RGS7: variants seen among roughly 807,000 people sequenced by gnomAD.
RGS7 encodes the protein regulator of G protein signaling 7, also known as regulator of G-protein signaling 7.
In RGS7, 27 loss-of-function variants were observed where a neutral mutation model predicts 81.1. The observed-to-expected ratio is 0.33, with a 90% CI of 0.25 to 0.46. The LOEUF (loss-of-function observed/expected upper bound fraction) is 0.46, where lower values mean the gene tolerates loss of function less well. Ranked by LOEUF, RGS7 falls within the 20% of genes least tolerant of loss-of-function variation. The pLI is 1.00. For synonymous variants in RGS7, 208 were observed against 207.7 expected, an observed-to-expected ratio of 1.00 and a Z score of -0.01; for missense variants, 396 against 607.4, an observed-to-expected ratio of 0.65 and a Z score of 3.66.
At chr1:240,884,201 A>T (rs1191892963) in intron 6 of RGS7, among the ~76,000 whole-genome samples, 1 of 151,810 alleles carries the variant, frequency 6.6e-6, no homozygotes, top group Non-Finnish European at 1.5e-5. Context: ...GATAAGCTTC[A>T]TTCAGGCATG....
At chr1:241,031,071 A>C (rs1055813408) in intron 3 of RGS7, among the ~76,000 whole-genome samples, 1 of 152,202 alleles carries the variant, frequency 6.6e-6, no homozygotes, top group Non-Finnish European at 1.5e-5. Flanking sequence ...CATCACTCAA[A>C]TTAGGTACAT....
At chr1:241,249,559 C>T (rs2148201656) in intron 2 of RGS7, among the ~76,000 whole-genome samples, 1 of 152,218 alleles carries the variant, frequency 6.6e-6, no homozygotes, top group African/African-American at 2.4e-5. Flanking sequence ...AGACCTTTTT[C>T]ATTTCCATAT....
chr1:240,879,445 A>C (rs932114193), intron 6 of RGS7, among the ~76,000 whole-genome samples: 1 of 152,198 alleles, frequency 6.6e-6, no homozygotes, highest in African/African-American at 2.4e-5. Flanking sequence ...TCTAATCTAA[A>C]GATACTTGTT....
intron 2 of RGS7, among the ~76,000 whole-genome samples, chr1:241,303,051 A>C (rs946924767): frequency 6.6e-6 from 1 of 152,222 alleles, no homozygotes; most frequent in Non-Finnish European, 1.5e-5. Flanking sequence ...ATACACCATG[A>C]AAATCCACAA....
intron 4 of RGS7, among the ~76,000 whole-genome samples, chr1:240,963,325 G>T (rs1390194392): frequency 1.3e-5 from 2 of 152,154 alleles, no homozygotes; most frequent in African/African-American, 4.8e-5. Context: ...GAGTCCAGAG[G>T]TATATTTGTA....
chr1:241,192,600 C>T (rs2072769917), intron 2 of RGS7, among the ~76,000 whole-genome samples: 1 of 152,092 alleles, frequency 6.6e-6, no homozygotes, highest in Non-Finnish European at 1.5e-5. Flanking sequence ...ATAAAATAGG[C>T]CTAGTCAAAA....
intron 6 of RGS7, among the ~76,000 whole-genome samples, chr1:240,888,096 T>C (rs1187428652): frequency 6.6e-6 from 1 of 152,120 alleles, no homozygotes; most frequent in Non-Finnish European, 1.5e-5. Flanking sequence ...TATAGAGAAA[T>C]ACTAAGCAAA....
intron 2 of RGS7, among the ~76,000 whole-genome samples, chr1:241,298,806 T>G (rs193126215): frequency 8.5e-4 from 129 of 152,310 alleles, no homozygotes; most frequent in African/African-American, 2.9e-3. Context: ...GCAGTGGCAA[T>G]ATCAGTAAAG....
chr1:241,290,090 G>A (rs1434902122), intron 2 of RGS7, among the ~76,000 whole-genome samples: 1 of 152,192 alleles, frequency 6.6e-6, no homozygotes, highest in African/African-American at 2.4e-5. Context: ...ATACATGCAT[G>A]CAAATCTCCC....
At chr1:241,166,699 G>C (rs766078393) in intron 2 of RGS7, among the ~76,000 whole-genome samples, 2 of 152,208 alleles carry the variant, frequency 1.3e-5, no homozygotes, top group Non-Finnish European at 2.9e-5. Flanking sequence ...CCAGTCTTCA[G>C]ATTGCAAGAG....
chr1:241,133,458 T>C (rs1432849190), intron 2 of RGS7, among the ~76,000 whole-genome samples: 4 of 152,010 alleles, frequency 2.6e-5, no homozygotes, highest in Admixed American at 1.3e-4. Flanking sequence ...TGAGACAATA[T>C]TGTAGAAAAC....
chr1:240,862,226 T>C (rs1188171616), intron 9 of RGS7, among the ~76,000 whole-genome samples: 2 of 152,280 alleles, frequency 1.3e-5, no homozygotes, highest in African/African-American at 2.4e-5. Context: ...ACTAGAATGA[T>C]TATTCTGTGT....
At chr1:240,823,680 C>G (rs1007826294) in intron 10 of RGS7, among the ~76,000 whole-genome samples, 1 of 152,152 alleles carries the variant, frequency 6.6e-6, no homozygotes. Context: ...CCCAGACTGC[C>G]TTTGGATTTG....
At chr1:240,942,369 A>G (rs531798888) in intron 4 of RGS7, among the ~76,000 whole-genome samples, 17 of 152,210 alleles carry the variant, frequency 1.1e-4, no homozygotes, top group Admixed American at 4.6e-4. Context: ...ACTCAGTAAT[A>G]TTTTTCTTAC....
chr1:241,324,990 TA>T (rs1162997054), intron 2 of RGS7, among the ~76,000 whole-genome samples: 1 of 152,204 alleles, frequency 6.6e-6, no homozygotes, highest in Non-Finnish European at 1.5e-5. Context: ...ATATTTTAAA[TA>T]AACAGTGATA....
chr1:241,062,491 AT>A (rs1421727378), intron 3 of RGS7, among the ~76,000 whole-genome samples: 2 of 152,206 alleles, frequency 1.3e-5, no homozygotes, highest in Non-Finnish European at 2.9e-5. Context: ...GACTCAAATT[AT>A]TTAAATCTCT....
At chr1:241,343,854 G>A (rs1335966982) in intron 2 of RGS7, among the ~76,000 whole-genome samples, 1 of 151,988 alleles carries the variant, frequency 6.6e-6, no homozygotes, top group African/African-American at 2.4e-5. Context: ...TACATTTTAT[G>A]ATATATATTT....
At chr1:240,830,315 G>A (rs949603927) in intron 9 of RGS7, among the ~76,000 whole-genome samples, 1 of 152,242 alleles carries the variant, frequency 6.6e-6, no homozygotes, top group African/African-American at 2.4e-5. Context: ...GGGATTTTAT[G>A]CTGGAAGCAG....
rs1205364312 is a variant in RGS7, at chr1:240,827,106, T to C, written c.676A>G (p.Thr226Ala). ...ACAAATGACAGTTTTACCTTCCGTGTTTTGTGGGGGTTTCTCATTCTGGAT... is the reference window on the plus strand; with the variant it reads ...ACAAATGACAGTTTTACCTTCCGTGCTTTGTGGGGGTTTCTCATTCTGGAT... ...KSSRMRNPHK[T>A]RKSVYGLQND... The change falls in exon 10 of 19, where the codon ACA becomes GCA. Residue 226 changes from threonine (T) to alanine (A), a missense_variant. By Grantham distance (58) the Thr-to-Ala change is moderately conservative. Transcript: ENST00000440928. The C allele has an allele frequency of 5.0e-6, 8 of 1,612,826 alleles. No individual in the cohort carries two copies. Among genetic ancestry groups the C allele is most frequent in the Non-Finnish European group, 5.9e-6 (7 of 1,178,788 alleles).
Sources: gnomAD v4.1 joint callset for allele counts (sites outside exome capture counted in the v4.1 genomes callset) on GRCh38, gnomAD v4.1.1 for gene constraint, MANE v1.5 for transcripts, NCBI Gene and HGNC (gene_info 2026-07-23, HGNC 2026-07-21) for gene names.